The following RGL3 variants were observed in gnomAD, a reference collection of about 807,000 sequenced individuals.
RGL3 encodes ral guanine nucleotide dissociation stimulator-like 3.
RGL3 carries 85 observed loss-of-function variants against 90.6 expected under a neutral mutation model. The observed-to-expected ratio is 0.94, with a 90% CI of 0.79 to 1.12. The LOEUF (loss-of-function observed/expected upper bound fraction) is 1.12, where lower values mean the gene tolerates loss of function less well. RGL3 is among the 50% of genes most tolerant of loss of function. The probability of loss-of-function intolerance (pLI) is 0.00; values close to 1 mark genes in which losing one functional copy is unlikely to be tolerated. For synonymous variants in RGL3, 408 were observed against 385.5 expected (o/e 1.06, Z -0.68); for missense variants, 1,034 against 939.2 (o/e 1.10, Z -1.32).
intron 1 of RGL3, 116 bp from the exon 2 acceptor site, chr19:11,418,900 G>T: frequency 3.7e-6 from 3 of 818,222 alleles, no homozygotes; most frequent in Non-Finnish European, 5.6e-6. Flanking sequence ...CCCCTTCCCG[G>T]CCAGAAGCTG....
chr19:11,418,857 ACTC>A, intron 1 of RGL3, 73 bp from the exon 2 acceptor site: 1 of 1,244,192 alleles, frequency 8.0e-7, no homozygotes, highest in Admixed American at 2.6e-5. Flanking sequence ...GGCCGCTCGG[ACTC>A]GGGCCGAGTC....
At chr19:11,410,410 G>T (rs1030541851) in intron 5 of RGL3, among the ~76,000 whole-genome samples, 1 of 151,986 alleles carries the variant, frequency 6.6e-6, no homozygotes, top group South Asian at 2.1e-4. Flanking sequence ...GTGGGTACTG[G>T]GCTGGGCACA....
Position 11,406,458 on chromosome 19 carries a change from C to G in RGL3, c.957G>C (p.Gln319His). The G allele has an allele frequency of 1.3e-6, 2 of 1,549,046 alleles. No homozygotes were observed. Among genetic ancestry groups the G allele is most frequent in the Non-Finnish European group, 1.7e-6 (2 of 1,150,528 alleles). ...VLGAPGLAAP[Q>H]RAQRLEKWIR... ...TCCACTTCTCCAGCCGCTGCGCCCTCTGCGGGGCGGCCAAGCCCGGTGCTC... is the reference window on the plus strand; with the variant it reads ...TCCACTTCTCCAGCCGCTGCGCCCTGTGCGGGGCGGCCAAGCCCGGTGCTC... Residue 319 changes from glutamine (Q) to histidine (H), a missense_variant, in exon 7 of 19, where the codon CAG becomes CAC. By Grantham distance (24) the Gln-to-His change is conservative. Coordinates refer to ENST00000380456, the MANE Select transcript of RGL3 (RefSeq NM_001035223.4).
intron 9 of RGL3, 121 bp downstream of exon 9, chr19:11,405,026 G>T: frequency 1.2e-6 from 1 of 834,814 alleles, no homozygotes; most frequent in Non-Finnish European, 2.1e-6. Context: ...TAAGGTCATT[G>T]CTGAGCGGTA....
Position 11,419,284 on chromosome 19 carries a change from G to A in RGL3, c.-6C>T. ...TTGCCTGCTGTGCGCTCCATGGCCG[G>A]CGCCCGTCCCTCTCAGTGGCGCCGC... is the stretch of plus-strand genomic sequence containing the variant. On this transcript the variant is annotated 5_prime_UTR_variant, in exon 1 of 19. Coordinates refer to ENST00000380456, the MANE Select transcript of RGL3 (RefSeq NM_001035223.4). The A allele has an allele frequency of 1.9e-6, 3 of 1,566,944 alleles. No homozygotes were observed. Among genetic ancestry groups the A allele is most frequent in the Non-Finnish European group, 2.6e-6 (3 of 1,159,116 alleles).
Position 11,400,203 on chromosome 19 carries a change from C to T in RGL3, c.1579G>A (p.Ala527Thr). Residue 527 changes from alanine (A) to threonine (T), a missense_variant and splice_region_variant, in exon 14 of 19, where the codon GCG becomes ACG. Ala to Thr is a moderately conservative substitution (Grantham distance 58, BLOSUM62 0). Transcript: ENST00000380456. ...CCCTACACACACCCCGAGACTCACG[C>T]ACTGAGACGCTTGGTGAGGCTGATC... is the stretch of plus-strand genomic sequence containing the variant. ...RRISLTKRLS[A>T]KLAREKSSSP... 2 of 1,583,636 alleles carry T rather than the reference C, an allele frequency of 1.3e-6. No individual in the cohort carries two copies. The highest frequency in any genetic ancestry group is 1.7e-6 in the Non-Finnish European group (2 of 1,163,716).
chr19:11,402,369 G>T, intron 11 of RGL3, 86 bp downstream of exon 11: 1 of 1,568,556 alleles, frequency 6.4e-7, no homozygotes, highest in Non-Finnish European at 8.7e-7. Flanking sequence ...CAGGAGTACA[G>T]GTAGGATCAA....
intron 5 of RGL3, among the ~76,000 whole-genome samples, chr19:11,414,284 T>G (rs1441180953): frequency 1.0e-5 from 1 of 96,518 alleles, no homozygotes; most frequent in Non-Finnish European, 1.9e-5. Flanking sequence ...TACCTTTATA[T>G]ATATATACCT....
In RGL3 at chr19:11,402,632, C is replaced by G; in HGVS notation, c.1242+18G>C. The G allele has an allele frequency of 6.2e-7, 1 of 1,613,882 alleles. No homozygotes were observed. The highest frequency in any genetic ancestry group is 8.5e-7 in the Non-Finnish European group (1 of 1,179,888). ...CTGAAGGTCCCACTTGTCCCCATCCCAAACTGTAATCACTCACTGAGGGCA... is the reference window on the plus strand; with the variant it reads ...CTGAAGGTCCCACTTGTCCCCATCCGAAACTGTAATCACTCACTGAGGGCA... On this transcript the variant is annotated intron_variant, in intron 10 of 18. Transcript: ENST00000380456.
chr19:11,414,270 T>G (rs1193221498), intron 5 of RGL3, among the ~76,000 whole-genome samples: 1 of 99,448 alleles, frequency 1.0e-5, no homozygotes, highest in Non-Finnish European at 1.9e-5. Context: ...CCTTTATATA[T>G]ATATACCTTT....
chr19:11,413,246 A>G (rs1407740499), intron 5 of RGL3, among the ~76,000 whole-genome samples: 2 of 150,792 alleles, frequency 1.3e-5, no homozygotes, highest in Admixed American at 6.6e-5. Flanking sequence ...AAAAAAAAAA[A>G]AAAAGCGGGC....
At chr19:11,414,163 A>G (rs1202500280) in intron 5 of RGL3, among the ~76,000 whole-genome samples, 2 of 110,520 alleles carry the variant, frequency 1.8e-5, no homozygotes, top group Non-Finnish European at 3.5e-5. Flanking sequence ...ATATATATAT[A>G]TATATATATA....
chr19:11,418,841 C>G, intron 1 of RGL3, 57 bp from the exon 2 acceptor site: 1 of 1,391,200 alleles, frequency 7.2e-7, no homozygotes, highest in Non-Finnish European at 9.6e-7. Context: ...GGGCCTCAGC[C>G]TCCTTGGCCG....
At chr19:11,405,494 CTTT>C (rs771398199) in intron 7 of RGL3, 68 bp from the exon 8 acceptor site, 733 of 163,556 alleles carry the variant, frequency 4.5e-3, no homozygotes, top group Middle Eastern at 6.0e-3. Context: ...ACTTCTTCAT[CTTT>C]TTTTTTTTTT....
intron 5 of RGL3, among the ~76,000 whole-genome samples, chr19:11,407,749 T>C (rs1176208532): frequency 6.6e-6 from 1 of 151,120 alleles, no homozygotes; most frequent in Non-Finnish European, 1.5e-5. Flanking sequence ...TGCAATGGCG[T>C]GATCTTGGCT....
intron 5 of RGL3, among the ~76,000 whole-genome samples, chr19:11,414,228 CCTTTATATATATATAT>C (rs1268809021): frequency 1.0e-3 from 51 of 50,368 alleles, no homozygotes; most frequent in African/African-American, 3.9e-3. Flanking sequence ...TATATATATA[CCTTTATATATATATAT>C]ACCTTTATAT....
At chr19:11,396,136 C>CTCTATATATATA (rs1367805487) in intron 18 of RGL3, among the ~76,000 whole-genome samples, 1 of 17,904 alleles carries the variant, frequency 5.6e-5, no homozygotes, top group African/African-American at 1.9e-4. Flanking sequence ...CTCTCTCTCT[C>CTCTATATATATA]TATATATATA....
intron 1 of RGL3, 38 bp downstream of exon 1, chr19:11,419,207 AC>A: frequency 6.3e-7 from 1 of 1,583,754 alleles, no homozygotes; most frequent in Non-Finnish European, 8.6e-7. Context: ...CCTGCGGGTC[AC>A]CAGGGATGCG....
Position 11,416,112 on chromosome 19 carries a change from G to A in RGL3, c.462C>T (p.Asp154=), listed in dbSNP as rs755491107. ...VVSVLGSWLQ[D]HPQDFRDHPA... ...GGTGGTCTCGGAAATCCTGAGGGTG[G>A]TCCTGCAGCCAGGAGCCCAGCACTG... Residue 154 remains aspartate (D), a synonymous_variant, in exon 5 of 19, where the codon GAC becomes GAT. Transcript: ENST00000380456. 4 of 1,596,688 alleles carry A rather than the reference G, an allele frequency of 2.5e-6. No individual in the cohort carries two copies. The highest frequency in any genetic ancestry group is 3.4e-6 in the Non-Finnish European group (4 of 1,172,282).
Sources: allele counts gnomAD v4.1 joint callset (sites outside exome capture counted in the v4.1 genomes callset), GRCh38; gene constraint gnomAD v4.1.1; transcripts MANE v1.5; gene names NCBI Gene and HGNC (gene_info 2026-07-23, HGNC 2026-07-21).